ZBBX: variants seen among roughly 807,000 people sequenced by gnomAD.
The protein encoded by ZBBX is zinc finger B-box domain-containing protein 1.
A neutral mutation model predicts 108.5 loss-of-function variants in ZBBX; 101 were observed. That is an observed-to-expected ratio of 0.93 (90% CI 0.79 to 1.10). ZBBX has a LOEUF of 1.10. Among genes scored for constraint, ZBBX ranks in the 50% least tolerant of loss-of-function variants. The probability of loss-of-function intolerance (pLI) is 0.00; values close to 1 mark genes in which losing one functional copy is unlikely to be tolerated. For missense variants in ZBBX, 1,009 were observed against 941.4 expected (o/e 1.07, Z -0.94); for synonymous variants, 356 against 323.4 (o/e 1.10, Z -1.08).
chr3:167,222,337 A>C, the ZBBX span, among the ~76,000 whole-genome samples: 11 of 152,104 alleles, frequency 7.2e-5, no homozygotes, highest in Non-Finnish European at 1.2e-4. Flanking sequence ...GTTCACACTT[A>C]TTTATGAGAT....
intron 20 of ZBBX, among the ~76,000 whole-genome samples, chr3:167,279,149 G>T (rs960632183): frequency 6.6e-6 from 1 of 151,952 alleles, no homozygotes; most frequent in East Asian, 1.9e-4. Context: ...ATATCATACT[G>T]AATGGGCAAA....
chr3:167,263,225 C>T (rs550342817), intron 20 of ZBBX, among the ~76,000 whole-genome samples: 28 of 151,702 alleles, frequency 1.8e-4, no homozygotes, highest in East Asian at 5.8e-4. Context: ...TTAGTAGAGA[C>T]GGGGTTTCAC....
At chr3:167,397,456 A>G (rs1376451170) in intron 1 of ZBBX, among the ~76,000 whole-genome samples, 1 of 151,962 alleles carries the variant, frequency 6.6e-6, no homozygotes, top group Non-Finnish European at 1.5e-5. Context: ...CATGAAAAAA[A>G]TTATCAGAAT....
intron 19 of ZBBX, among the ~76,000 whole-genome samples, chr3:167,283,715 G>A (rs1224946868): frequency 3.3e-5 from 5 of 151,972 alleles, no homozygotes; most frequent in Non-Finnish European, 7.4e-5. Flanking sequence ...GCACGATCTC[G>A]GCTCACTGCA....
chr3:167,372,097 G>GCTA (rs1746244678), intron 4 of ZBBX, among the ~76,000 whole-genome samples: 1 of 152,156 alleles, frequency 6.6e-6, no homozygotes, highest in Non-Finnish European at 1.5e-5. Context: ...TGTAATCCCA[G>GCTA]CTACTCCGGT....
intron 16 of ZBBX, among the ~76,000 whole-genome samples, chr3:167,310,151 G>C (rs1411145237): frequency 2.0e-5 from 3 of 152,200 alleles, no homozygotes; most frequent in Admixed American, 2.0e-4. Context: ...CTAAAGCATA[G>C]CAAAAGTGAC....
the ZBBX span, among the ~76,000 whole-genome samples, chr3:167,190,577 T>A: frequency 6.6e-6 from 1 of 152,138 alleles, no homozygotes; most frequent in South Asian, 2.1e-4. Context: ...AGTCAGGGTT[T>A]CACTGTGTTA....
chr3:167,383,657 A>C (rs1335954646), upstream of ZBBX, among the ~76,000 whole-genome samples: 1 of 152,082 alleles, frequency 6.6e-6, no homozygotes, highest in Non-Finnish European at 1.5e-5. Flanking sequence ...AATGGAGGAG[A>C]ATCATCAGGG....
chr3:167,277,189 A>T (rs1727758979), intron 20 of ZBBX, among the ~76,000 whole-genome samples: 1 of 152,088 alleles, frequency 6.6e-6, no homozygotes, highest in Admixed American at 6.6e-5. Context: ...GCATCAACTA[A>T]CGAGCAAAAT....
intron 9 of ZBBX, among the ~76,000 whole-genome samples, chr3:167,335,325 A>C (rs578163946): frequency 2.0e-5 from 3 of 152,344 alleles, no homozygotes; most frequent in South Asian, 2.1e-4. Context: ...AACTTTTCAC[A>C]TGCTGTCAGA....
chr3:167,311,661 G>GCAAATAAGC (rs1395239807), intron 16 of ZBBX, among the ~76,000 whole-genome samples: 1 of 151,888 alleles, frequency 6.6e-6, no homozygotes, highest in East Asian at 1.9e-4. Context: ...TATACAGTTG[G>GCAAATAAGC]CAAATAAGCA....
At chr3:167,203,183 C>G in the ZBBX span, among the ~76,000 whole-genome samples, 1 of 152,150 alleles carries the variant, frequency 6.6e-6, no homozygotes, top group East Asian at 1.9e-4. Flanking sequence ...TCTCCTGAGG[C>G]CTTTGTCTTT....
intron 9 of ZBBX, among the ~76,000 whole-genome samples, chr3:167,337,650 T>TA (rs1418328133): frequency 6.6e-6 from 1 of 152,162 alleles, no homozygotes; most frequent in African/African-American, 2.4e-5. Context: ...TAACAGTTTT[T>TA]ATCCTATAAC....
chr3:167,199,813 C>A, the ZBBX span, among the ~76,000 whole-genome samples: 1 of 152,174 alleles, frequency 6.6e-6, no homozygotes, highest in Non-Finnish European at 1.5e-5. Flanking sequence ...GAACATCCAG[C>A]ACATACATTT....
rs138926276 is a variant in ZBBX, at chr3:167,281,567, A to G, written c.2254+671T>C. Among the ~76,000 whole-genome samples the G allele has an allele frequency of 1.6e-4, 24 of 152,320 alleles. 1 individual carries two copies. In the East Asian group the frequency reaches 4.4e-3, roughly 28 times the overall value. ...TTCAAACTGTGTGAGTGCCTTTATA[A>G]TGCAAATAAAAGGATTAATTCCCCT... On this transcript the variant is annotated intron_variant, in intron 20 of 21. Coordinates refer to ENST00000675490, the MANE Select transcript of ZBBX (RefSeq NM_001199201.2).
upstream of ZBBX, among the ~76,000 whole-genome samples, chr3:167,382,496 G>A (rs921258070): frequency 6.6e-6 from 1 of 152,048 alleles, no homozygotes; most frequent in Non-Finnish European, 1.5e-5. Context: ...TGGAGACAAG[G>A]TTTGAATACA....
chr3:167,233,272 G>A, the ZBBX span, among the ~76,000 whole-genome samples: 1 of 151,788 alleles, frequency 6.6e-6, no homozygotes, highest in East Asian at 1.9e-4. Flanking sequence ...AGGCTACCAT[G>A]TTGCCTGGCT....
chr3:167,310,910 A>G (rs1329115994), intron 16 of ZBBX, among the ~76,000 whole-genome samples: 1 of 152,154 alleles, frequency 6.6e-6, no homozygotes, highest in African/African-American at 2.4e-5. Context: ...TTGTTAAGAT[A>G]TTTTTTCCCA....
chr3:167,384,615 A>G (rs946023785), upstream of ZBBX, among the ~76,000 whole-genome samples: 2 of 152,090 alleles, frequency 1.3e-5, no homozygotes, highest in African/African-American at 4.8e-5. Flanking sequence ...ACCAGAGCTG[A>G]AGGAAAAGTT....
Sources: allele counts gnomAD v4.1 joint callset (sites outside exome capture counted in the v4.1 genomes callset), GRCh38; gene constraint gnomAD v4.1.1; transcripts MANE v1.5; gene names NCBI Gene and HGNC (gene_info 2026-07-23, HGNC 2026-07-21).